Variants in NLGN1 observed in about 807,000 individuals in gnomAD.
NLGN1 encodes the protein neuroligin 1.
NLGN1 carries 12 observed loss-of-function variants against 65.5 expected under a neutral mutation model. The observed-to-expected ratio is 0.18, with a 90% CI of 0.12 to 0.30. The LOEUF is 0.30. NLGN1 is among the 10% of genes least tolerant of loss of function. The probability of loss-of-function intolerance (pLI) is 1.00; values close to 1 mark genes in which losing one functional copy is unlikely to be tolerated. For missense variants in NLGN1, 750 were observed against 1,007.1 expected (o/e 0.74, Z 3.46); for synonymous variants, 350 against 359.5 (o/e 0.97, Z 0.30).
chr3:173,808,272 G>A (rs1470733194), intron 4 of NLGN1, among the ~76,000 whole-genome samples: 7 of 151,770 alleles, frequency 4.6e-5, no homozygotes, highest in African/African-American at 1.5e-4. Context: ...AGGTTTCTTT[G>A]GTTTGTTGTT....
intron 2 of NLGN1, among the ~76,000 whole-genome samples, chr3:173,478,296 G>C (rs1236218900): frequency 1.3e-5 from 2 of 152,060 alleles, no homozygotes; most frequent in Non-Finnish European, 2.9e-5. Flanking sequence ...GCAAACTAAT[G>C]CAAGAATAGA....
At chr3:174,195,640 G>A (rs1210945665) in intron 4 of NLGN1, among the ~76,000 whole-genome samples, 1 of 152,156 alleles carries the variant, frequency 6.6e-6, no homozygotes, top group African/African-American at 2.4e-5. Flanking sequence ...CGAAGTGTCT[G>A]TGCACAAGAA....
chr3:173,807,160 T>C (rs1465265603), intron 3 of NLGN1, among the ~76,000 whole-genome samples: 1 of 152,164 alleles, frequency 6.6e-6, no homozygotes, highest in Admixed American at 6.6e-5. Context: ...AACACAATAC[T>C]GTAATTATGT....
chr3:173,983,813 A>G lies in NLGN1; in HGVS notation c.646+175981A>G, dbSNP rs1482113446. On this transcript the variant is annotated intron_variant, in intron 4 of 6. Transcript: ENST00000457714. ...CCCCATCCTCACCATAACATTTTCT[A>G]TCACATTAATATGTTTTATTTTTTA... is the stretch of plus-strand genomic sequence containing the variant. 3.3e-5 allele frequency among the ~76,000 whole-genome samples: 5 copies of G among 152,284 alleles called. No homozygotes were observed. The East Asian group carries it at 9.7e-4, about 29-fold the overall frequency.
At chr3:174,018,595 G>T (rs1026682195) in intron 4 of NLGN1, among the ~76,000 whole-genome samples, 10 of 152,070 alleles carry the variant, frequency 6.6e-5, no homozygotes, top group African/African-American at 2.4e-4. Context: ...GTTCTACATG[G>T]CTTTTTGAAC....
At chr3:173,582,783 T>A (rs954999696) in intron 2 of NLGN1, among the ~76,000 whole-genome samples, 5 of 152,168 alleles carry the variant, frequency 3.3e-5, no homozygotes, top group Admixed American at 6.5e-5. Flanking sequence ...TTAATATTAT[T>A]TCTTTATGGA....
chr3:173,941,007 C>A (rs1186615649), intron 4 of NLGN1, among the ~76,000 whole-genome samples: 1 of 152,150 alleles, frequency 6.6e-6, no homozygotes, highest in South Asian at 2.1e-4. Flanking sequence ...TTAAATGTTA[C>A]GCTTGGTACA....
intron 4 of NLGN1, among the ~76,000 whole-genome samples, chr3:174,083,868 A>C (rs1444910237): frequency 1.3e-5 from 2 of 152,198 alleles, no homozygotes; most frequent in African/African-American, 4.8e-5. Flanking sequence ...GCTGATAGCC[A>C]CATGGTGGAA....
At chr3:174,038,299 C>T (rs1731568510) in intron 4 of NLGN1, among the ~76,000 whole-genome samples, 1 of 152,170 alleles carries the variant, frequency 6.6e-6, no homozygotes, top group African/African-American at 2.4e-5. Context: ...CGCTCTGCAA[C>T]CAACAGACAG....
At chr3:173,545,542 G>T (rs1222383512) in intron 2 of NLGN1, among the ~76,000 whole-genome samples, 1 of 152,072 alleles carries the variant, frequency 6.6e-6, no homozygotes, top group Non-Finnish European at 1.5e-5. Context: ...AAACAGATTG[G>T]TTTTTTTAAA....
intron 4 of NLGN1, among the ~76,000 whole-genome samples, chr3:174,229,145 C>G (rs1012827478): frequency 6.6e-6 from 1 of 151,944 alleles, no homozygotes; most frequent in Non-Finnish European, 1.5e-5. Context: ...TTACAGTTTT[C>G]ATTATATAGA....
rs146729365 is a variant in NLGN1, at chr3:173,510,346, ACTGT to A, written c.-321+75273_-321+75276del. On this transcript the variant is annotated intron_variant, in intron 2 of 6. Transcript: ENST00000457714. ...ATTAGGCTCAGCAGGTGATATCATCACTGTCTGTATGATTAAATGACACTTAGTA... is the reference window on the plus strand; with the variant it reads ...ATTAGGCTCAGCAGGTGATATCATCACTGTATGATTAAATGACACTTAGTA... Among the ~76,000 whole-genome samples the A allele has an allele frequency of 7.0e-3, 1,061 of 152,342 alleles. 12 individuals are homozygous for A. Among genetic ancestry groups the A allele is most frequent in the African/African-American group, 0.025 (1,023 of 41,582 alleles).
chr3:173,595,136 TCTC>T (rs777498858), intron 2 of NLGN1, among the ~76,000 whole-genome samples: 1 of 152,212 alleles, frequency 6.6e-6, no homozygotes, highest in Non-Finnish European at 1.5e-5. Context: ...GGCTTGAATT[TCTC>T]CTCAGAAAAT....
intron 3 of NLGN1, among the ~76,000 whole-genome samples, chr3:173,697,853 A>G (rs1766466076): frequency 6.6e-6 from 1 of 152,122 alleles, no homozygotes; most frequent in Non-Finnish European, 1.5e-5. Flanking sequence ...TCAATCTAAT[A>G]TTATTTTTAT....
At chr3:174,116,474 A>G (rs1576956037) in intron 4 of NLGN1, among the ~76,000 whole-genome samples, 1 of 151,022 alleles carries the variant, frequency 6.6e-6, no homozygotes, top group Non-Finnish European at 1.5e-5. Context: ...AGTAGCTGGG[A>G]TTACAAGTAT....
chr3:173,611,393 C>T (rs544066955), intron 3 of NLGN1, among the ~76,000 whole-genome samples: 1 of 151,974 alleles, frequency 6.6e-6, no homozygotes, highest in South Asian at 2.1e-4. Context: ...AATGGAGGAA[C>T]TAAAACACAA....
intron 3 of NLGN1, among the ~76,000 whole-genome samples, chr3:173,678,309 G>A (rs903160557): frequency 6.6e-6 from 1 of 152,086 alleles, no homozygotes; most frequent in Non-Finnish European, 1.5e-5. Flanking sequence ...CATACAGACT[G>A]TTAAGAGGGC....
chr3:173,461,117 C>T lies in NLGN1; in HGVS notation c.-321+26039C>T, dbSNP rs147634585. Among the ~76,000 whole-genome samples, 1,000 of 152,248 alleles carry T rather than the reference C, an allele frequency of 6.6e-3. 5 individuals are homozygous for T. Among genetic ancestry groups the T allele is most frequent in the Middle Eastern group, 0.02 (6 of 294 alleles). ...CAAGGCAGATATATCTTGTAGTCAA[C>T]TCCAAACAATTAACACCTATATGAG... On this transcript the variant is annotated intron_variant, in intron 2 of 6. Coordinates refer to ENST00000457714, the Ensembl canonical transcript of NLGN1.
intron 4 of NLGN1, among the ~76,000 whole-genome samples, chr3:174,049,806 A>C (rs2152501312): frequency 6.6e-6 from 1 of 152,268 alleles, no homozygotes; most frequent in Admixed American, 6.6e-5. Context: ...CTAACGTGAG[A>C]GAACTGTTTA....
Sources: allele counts gnomAD v4.1 joint callset (sites outside exome capture counted in the v4.1 genomes callset), GRCh38; gene constraint gnomAD v4.1.1; transcripts MANE v1.5; gene names NCBI Gene and HGNC (gene_info 2026-07-23, HGNC 2026-07-21).